Variants in CDC42SE2 observed in about 807,000 individuals in gnomAD.
CDC42SE2 encodes CDC42 small effector 2, also known as CDC42 small effector protein 2.
Under a neutral mutation model 11.5 loss-of-function variants are expected in CDC42SE2, and 3 were observed. That is an observed-to-expected ratio of 0.26 (90% CI 0.12 to 0.67). The LOEUF is 0.67. CDC42SE2 is among the 30% of genes least tolerant of loss of function. CDC42SE2 has a pLI of 0.80. For synonymous variants in CDC42SE2, 33 were observed against 34.8 expected (o/e 0.95, Z 0.18); for missense variants, 82 against 106.8 (o/e 0.77, Z 1.02).
chr5:131,275,656 T>TTTTTCTTTTC (rs61129956), intron 1 of CDC42SE2, among the ~76,000 whole-genome samples: 1 of 150,512 alleles, frequency 6.6e-6, no homozygotes, highest in African/African-American at 2.5e-5. Flanking sequence ...AACTTCATTA[T>TTTTTCTTTTC]TTTTCTTTTC....
intron 1 of CDC42SE2, among the ~76,000 whole-genome samples, chr5:131,313,634 G>A (rs751586608): frequency 1.3e-5 from 2 of 152,166 alleles, no homozygotes; most frequent in Admixed American, 6.5e-5. Flanking sequence ...CTACATGTGT[G>A]TAGTTGTATT....
chr5:131,304,463 C>T (rs538654801), intron 1 of CDC42SE2, among the ~76,000 whole-genome samples: 2 of 152,248 alleles, frequency 1.3e-5, no homozygotes, highest in East Asian at 1.9e-4. Flanking sequence ...TTCATGAATT[C>T]TAAGCAGAAT....
intron 1 of CDC42SE2, among the ~76,000 whole-genome samples, chr5:131,278,230 C>T (rs970049140): frequency 2.6e-5 from 4 of 152,120 alleles, no homozygotes; most frequent in African/African-American, 7.2e-5. Flanking sequence ...TGGGAGATCC[C>T]GCCTGGGCCT....
intron 1 of CDC42SE2, among the ~76,000 whole-genome samples, chr5:131,264,675 C>T (rs987638700): frequency 6.6e-6 from 1 of 152,102 alleles, no homozygotes; most frequent in Admixed American, 6.5e-5. Context: ...CGGTTCGCCC[C>T]GGGCCCCGGG....
intron 1 of CDC42SE2, among the ~76,000 whole-genome samples, chr5:131,292,906 C>CAAAAAAAAAAAAAAAAA (rs869300653): frequency 1.7e-5 from 1 of 58,914 alleles, no homozygotes; most frequent in African/African-American, 1.0e-4. Context: ...GACCCTGTCT[C>CAAAAAAAAAAAAAAAAA]AAAAAAAAAA....
At chr5:131,234,635 CA>C in the CDC42SE2 span, among the ~76,000 whole-genome samples, 2,445 of 86,726 alleles carry the variant, frequency 0.028, 55 homozygotes, top group African/African-American at 0.089. Flanking sequence ...GACTCTGTCT[CA>C]AAAAAAAAAA....
chr5:131,216,930 G>T, the CDC42SE2 span, among the ~76,000 whole-genome samples: 1 of 152,110 alleles, frequency 6.6e-6, no homozygotes, highest in African/African-American at 2.4e-5. Context: ...TCTTACCATA[G>T]ATACTTAAAA....
intron 1 of CDC42SE2, among the ~76,000 whole-genome samples, chr5:131,311,708 G>T (rs1016007204): frequency 6.6e-6 from 1 of 152,058 alleles, no homozygotes; most frequent in Non-Finnish European, 1.5e-5. Context: ...TTCCATCGCT[G>T]ATACCCTTTC....
In CDC42SE2 at chr5:131,290,624, C is replaced by T. The variant is rs80264255; in HGVS notation, c.-454-25352C>T. 9.7e-3 allele frequency among the ~76,000 whole-genome samples: 1,477 copies of T among 151,604 alleles called. 25 individuals carry two copies. Among genetic ancestry groups the T allele is most frequent in the African/African-American group, 0.034 (1,394 of 41,320 alleles). On this transcript the variant is annotated intron_variant, in intron 1 of 4. Transcript: ENST00000505065. The stretch of plus-strand genomic sequence containing the variant: ...ACTCCTGAGTAGCAGAGACTACAGG[C>T]TGGCACCAGGCTGGCTGGTTAATTT...
In CDC42SE2 at chr5:131,393,460, A is replaced by G. The variant is rs1750727855; in HGVS notation, c.*2369A>G. The G allele has an allele frequency of 6.6e-6, 1 of 152,364 alleles. No homozygotes were observed. Among genetic ancestry groups the G allele is most frequent in the African/African-American group, 2.4e-5 (1 of 41,456 alleles). The allele number at this position is 152,364 out of a possible 1,614,324, so 9.4% of individuals were successfully genotyped here. Reference sequence around the variant, plus strand: ...AAACATTTGCATCTTCGGAGTAGACATTTTGCAGTTTGTTTAATAACAACT... The same window carrying G: ...AAACATTTGCATCTTCGGAGTAGACGTTTTGCAGTTTGTTTAATAACAACT... On this transcript the variant is annotated 3_prime_UTR_variant, in exon 5 of 5. Transcript: ENST00000505065.
chr5:131,362,872 C>T (rs570431533), intron 3 of CDC42SE2, among the ~76,000 whole-genome samples: 1 of 152,004 alleles, frequency 6.6e-6, no homozygotes, highest in Non-Finnish European at 1.5e-5. Context: ...TAGGGCTGGG[C>T]GCAGTGGCTA....
chr5:131,210,243 A>G, the CDC42SE2 span, among the ~76,000 whole-genome samples: 2 of 152,254 alleles, frequency 1.3e-5, no homozygotes, highest in Non-Finnish European at 2.9e-5. Flanking sequence ...AGACTGATAC[A>G]GAGGTGCTGG....
the CDC42SE2 span, among the ~76,000 whole-genome samples, chr5:131,225,385 A>G: frequency 6.6e-6 from 1 of 152,222 alleles, no homozygotes; most frequent in Non-Finnish European, 1.5e-5. Flanking sequence ...ATACTTGTTT[A>G]TGACTGTCCT....
At chr5:131,226,145 G>A in the CDC42SE2 span, among the ~76,000 whole-genome samples, 1 of 152,178 alleles carries the variant, frequency 6.6e-6, no homozygotes, top group Non-Finnish European at 1.5e-5. Context: ...CACAATTGGT[G>A]GCGAAGCGAA....
chr5:131,289,870 C>T (rs957624637), intron 1 of CDC42SE2, among the ~76,000 whole-genome samples: 6 of 151,746 alleles, frequency 4.0e-5, no homozygotes, highest in African/African-American at 1.2e-4. Flanking sequence ...AACAGGGACT[C>T]GCTCTGTCAC....
chr5:131,280,397 A>C (rs1371358716), intron 1 of CDC42SE2, among the ~76,000 whole-genome samples: 1 of 152,176 alleles, frequency 6.6e-6, no homozygotes, highest in Non-Finnish European at 1.5e-5. Context: ...TCTTACATAG[A>C]CTCTGACATT....
chr5:131,280,704 G>T (rs1195532357), intron 1 of CDC42SE2, among the ~76,000 whole-genome samples: 1 of 152,046 alleles, frequency 6.6e-6, no homozygotes, highest in Non-Finnish European at 1.5e-5. Context: ...TTTAATAATA[G>T]CCCTAGGGTA....
At chr5:131,313,982 C>T (rs1246376072) in intron 1 of CDC42SE2, among the ~76,000 whole-genome samples, 2 of 152,080 alleles carry the variant, frequency 1.3e-5, no homozygotes, top group Non-Finnish European at 2.9e-5. Flanking sequence ...TGTGCACCAC[C>T]ATGCCCGACT....
chr5:131,235,926 GTCCC>G, the CDC42SE2 span, among the ~76,000 whole-genome samples: 4 of 152,144 alleles, frequency 2.6e-5, no homozygotes, highest in African/African-American at 9.7e-5. Context: ...GCTATCTGGC[GTCCC>G]TTAGGCCAGT....
Sources: gnomAD v4.1 joint callset for allele counts (sites outside exome capture counted in the v4.1 genomes callset) on GRCh38, gnomAD v4.1.1 for gene constraint, MANE v1.5 for transcripts, NCBI Gene and HGNC (gene_info 2026-07-23, HGNC 2026-07-21) for gene names.